The following C12orf42 variants were observed in gnomAD, a reference collection of about 807,000 sequenced individuals.
C12orf42 encodes uncharacterized protein C12orf42.
Under a neutral mutation model 21.6 loss-of-function variants are expected in C12orf42, and 25 were observed. The observed-to-expected ratio is 1.16, with a 90% CI of 0.84 to 1.62. C12orf42 has a LOEUF of 1.62. C12orf42 is among the 40% of genes most tolerant of loss of function. C12orf42 has a pLI of 0.00. For missense variants in C12orf42, 483 were observed against 459.3 expected, an observed-to-expected ratio of 1.05 and a Z score of -0.47; for synonymous variants, 174 against 175.0, an observed-to-expected ratio of 0.99 and a Z score of 0.05.
intron 4 of C12orf42, among the ~76,000 whole-genome samples, chr12:103,315,518 A>G (rs2039381171): frequency 6.6e-6 from 1 of 152,218 alleles, no homozygotes; most frequent in African/African-American, 2.4e-5. Context: ...TTCCCAAACT[A>G]AAATGGAAAG....
intron 4 of C12orf42, among the ~76,000 whole-genome samples, chr12:103,344,915 C>A (rs904349428): frequency 2.0e-4 from 30 of 152,330 alleles, no homozygotes; most frequent in African/African-American, 6.7e-4. Flanking sequence ...AGGACAGCTA[C>A]TCTTCACAAG....
the C12orf42 span, among the ~76,000 whole-genome samples, chr12:103,228,866 G>A: frequency 1.3e-5 from 2 of 150,572 alleles, no homozygotes; most frequent in Non-Finnish European, 3.0e-5. Flanking sequence ...TCTAGATCAA[G>A]CCCAGGAGTT....
the C12orf42 span, among the ~76,000 whole-genome samples, chr12:103,153,612 A>G: frequency 6.6e-6 from 1 of 152,170 alleles, no homozygotes; most frequent in Non-Finnish European, 1.5e-5. Context: ...ATCCAAGTTA[A>G]AACTAGCGTA....
At chr12:103,242,460 T>C (rs891395447) in intron 10 of C12orf42, among the ~76,000 whole-genome samples, 4 of 152,164 alleles carry the variant, frequency 2.6e-5, no homozygotes, top group Non-Finnish European at 5.9e-5. Context: ...GAACGAAAAG[T>C]TTATTGGTCT....
intron 10 of C12orf42, among the ~76,000 whole-genome samples, chr12:103,260,971 T>C (rs999599772): frequency 9.8e-5 from 15 of 152,294 alleles, no homozygotes; most frequent in African/African-American, 3.4e-4. Flanking sequence ...ATTTTTATCC[T>C]AATATTTTGC....
At chr12:103,446,200 G>C (rs1340140588) in intron 2 of C12orf42, among the ~76,000 whole-genome samples, 1 of 151,918 alleles carries the variant, frequency 6.6e-6, no homozygotes, top group East Asian at 1.9e-4. Flanking sequence ...AGGGATTGGG[G>C]TCCTATTTTT....
At chr12:103,345,821 A>C (rs1343868974) in intron 4 of C12orf42, among the ~76,000 whole-genome samples, 1 of 152,226 alleles carries the variant, frequency 6.6e-6, no homozygotes, top group Non-Finnish European at 1.5e-5. Flanking sequence ...GAACTGAACT[A>C]TGAAGCAATA....
chr12:103,139,132 G>A, the C12orf42 span, among the ~76,000 whole-genome samples: 24 of 152,166 alleles, frequency 1.6e-4, no homozygotes, highest in Admixed American at 1.2e-3. Context: ...TACCAAAGTG[G>A]AAATGAGACC....
At chr12:103,458,479 CCTTA>C (rs1419257877) in intron 2 of C12orf42, among the ~76,000 whole-genome samples, 1 of 152,074 alleles carries the variant, frequency 6.6e-6, no homozygotes. Flanking sequence ...ATGCTGGGCA[CCTTA>C]CTTACTGTCT....
chr12:103,419,714 C>T (rs1016487009), intron 2 of C12orf42, among the ~76,000 whole-genome samples: 1 of 152,162 alleles, frequency 6.6e-6, no homozygotes, highest in East Asian at 1.9e-4. Context: ...CCAGCTTGAC[C>T]TTGGCCTTTC....
the C12orf42 span, among the ~76,000 whole-genome samples, chr12:103,121,190 T>G: frequency 6.6e-6 from 1 of 152,230 alleles, no homozygotes; most frequent in Non-Finnish European, 1.5e-5. Context: ...TTTATCACAT[T>G]CAGGCAGAGT....
the C12orf42 span, among the ~76,000 whole-genome samples, chr12:103,125,980 C>G: frequency 6.6e-6 from 1 of 152,114 alleles, no homozygotes; most frequent in Admixed American, 6.5e-5. Flanking sequence ...GGTGCAATGC[C>G]CTAACTCAGA....
At chr12:103,190,805 C>T in the C12orf42 span, among the ~76,000 whole-genome samples, 1 of 151,854 alleles carries the variant, frequency 6.6e-6, no homozygotes, top group African/African-American at 2.4e-5. Flanking sequence ...ATGGAATTCT[C>T]AGAAAGAGAA....
chr12:103,144,713 C>T, the C12orf42 span, among the ~76,000 whole-genome samples: 1 of 152,046 alleles, frequency 6.6e-6, no homozygotes, highest in African/African-American at 2.4e-5. Context: ...ACTTAGAATT[C>T]ACAACTTAAA....
the C12orf42 span, among the ~76,000 whole-genome samples, chr12:103,207,352 A>G: frequency 1.1e-4 from 16 of 152,352 alleles, no homozygotes; most frequent in African/African-American, 3.8e-4. Context: ...AGCACCACAC[A>G]GAAATATTTG....
rs935931988 is a variant in C12orf42, at chr12:103,309,940, G to C, written c.260-3595C>G. 4.6e-5 allele frequency among the ~76,000 whole-genome samples: 7 copies of C among 152,316 alleles called. No individual in the cohort carries two copies. The South Asian group carries it at 6.2e-4, about 14-fold the overall frequency. On this transcript the variant is annotated intron_variant, in intron 4 of 5. Transcript: ENST00000548883. ...GAAATGAAATAAGGGTCCAAGTAGG[G>C]ATACCCTGGGGTGATATGTCCCAGT...
chr12:103,386,423 C>T (rs1480088085), intron 3 of C12orf42, among the ~76,000 whole-genome samples: 2 of 152,112 alleles, frequency 1.3e-5, no homozygotes, highest in Non-Finnish European at 2.9e-5. Context: ...CCAGTTATCT[C>T]CAGCTGAATA....
the C12orf42 span, among the ~76,000 whole-genome samples, chr12:103,536,210 C>G: frequency 0.027 from 4,114 of 152,230 alleles, 152 homozygotes; most frequent in East Asian, 0.2. Flanking sequence ...TAATGAACCT[C>G]AGTTTTCTAA....
intron 5 of C12orf42, among the ~76,000 whole-genome samples, chr12:103,304,505 G>C (rs191389095): frequency 6.6e-6 from 1 of 152,140 alleles, no homozygotes; most frequent in Non-Finnish European, 1.5e-5. Flanking sequence ...AAGTATTGGA[G>C]GAAAGAATCT....
Sources: gnomAD v4.1 joint callset for allele counts (sites outside exome capture counted in the v4.1 genomes callset) on GRCh38, gnomAD v4.1.1 for gene constraint, MANE v1.5 for transcripts, NCBI Gene and HGNC (gene_info 2026-07-23, HGNC 2026-07-21) for gene names.